The following HDAC9 variants were observed in gnomAD, a reference collection of about 807,000 sequenced individuals.
HDAC9 encodes the protein MEF-2 interacting transcription repressor (MITR) protein.
HDAC9 carries 41 observed loss-of-function variants against 139.4 expected under a neutral mutation model. That is an observed-to-expected ratio of 0.29 (90% confidence interval 0.23 to 0.38). The LOEUF is 0.38. Ranked by LOEUF, HDAC9 falls within the 10% of genes least tolerant of loss-of-function variation. The pLI, the probability that HDAC9 is intolerant of heterozygous loss-of-function variation, is 1.00. For missense variants in HDAC9, 1,147 were observed against 1,297.0 expected, an observed-to-expected ratio of 0.88 and a Z score of 1.78; for synonymous variants, 517 against 476.2, an observed-to-expected ratio of 1.09 and a Z score of -1.12.
intron 2 of HDAC9, among the ~76,000 whole-genome samples, chr7:18,197,537 G>T (rs938943584): frequency 6.6e-6 from 1 of 152,160 alleles, no homozygotes; most frequent in Admixed American, 6.5e-5. Flanking sequence ...TAGGGCAAAA[G>T]AAGTTACGTG....
At chr7:18,608,833 TA>T (rs1836270992) in intron 6 of HDAC9, among the ~76,000 whole-genome samples, 5 of 152,168 alleles carry the variant, frequency 3.3e-5, no homozygotes, top group African/African-American at 1.2e-4. Flanking sequence ...GAGGCACATG[TA>T]ATAGGTTCCT....
chr7:18,299,484 A>G (rs1798393916), intron 1 of HDAC9, among the ~76,000 whole-genome samples: 1 of 152,144 alleles, frequency 6.6e-6, no homozygotes, highest in Non-Finnish European at 1.5e-5. Context: ...TGGCGAGGGT[A>G]CTTTTCCAGC....
At chr7:18,567,376 C>T (rs961662764) in intron 2 of HDAC9, among the ~76,000 whole-genome samples, 2 of 152,156 alleles carry the variant, frequency 1.3e-5, no homozygotes, top group Non-Finnish European at 2.9e-5. Context: ...TTGTTGTTCT[C>T]TCATTTCTTT....
chr7:18,785,354 A>G (rs1791621679), intron 16 of HDAC9, among the ~76,000 whole-genome samples: 1 of 151,964 alleles, frequency 6.6e-6, no homozygotes, highest in African/African-American at 2.4e-5. Flanking sequence ...GCATCGTAGG[A>G]TGCGTAGTGG....
intron 1 of HDAC9, among the ~76,000 whole-genome samples, chr7:18,345,232 A>C (rs966070149): frequency 1.3e-5 from 2 of 152,006 alleles, no homozygotes; most frequent in Non-Finnish European, 2.9e-5. Context: ...TCTTCTAGAT[A>C]ATGCTGTGTC....
At chr7:18,239,867 A>G (rs937837421) in intron 2 of HDAC9, among the ~76,000 whole-genome samples, 1 of 152,130 alleles carries the variant, frequency 6.6e-6, no homozygotes, top group African/African-American at 2.4e-5. Context: ...ATAATACTTA[A>G]AGGAATATTG....
intron 1 of HDAC9, among the ~76,000 whole-genome samples, chr7:18,356,360 T>TTTTTTG (rs1260043555): frequency 2.4e-5 from 3 of 124,862 alleles, no homozygotes; most frequent in Non-Finnish European, 1.7e-5. Context: ...GCACATAGGT[T>TTTTTTG]TTTTTTTTTT....
intron 24 of HDAC9, among the ~76,000 whole-genome samples, chr7:18,962,079 G>A (rs192140274): frequency 5.3e-4 from 81 of 152,272 alleles, no homozygotes; most frequent in African/African-American, 1.8e-3. Context: ...GGAGCTGTGC[G>A]TCCACTTTTG....
At chr7:18,846,047 T>G (rs1796883085) in intron 21 of HDAC9, among the ~76,000 whole-genome samples, 2 of 152,204 alleles carry the variant, frequency 1.3e-5, no homozygotes, top group South Asian at 4.1e-4. Flanking sequence ...ATCTCAGAAC[T>G]ACAAAGTTCT....
At chr7:18,797,500 T>C (rs1419092587) in intron 17 of HDAC9, among the ~76,000 whole-genome samples, 1 of 152,182 alleles carries the variant, frequency 6.6e-6, no homozygotes, top group African/African-American at 2.4e-5. Flanking sequence ...CATTCCTATA[T>C]TTTAAAACCA....
intron 2 of HDAC9, among the ~76,000 whole-genome samples, chr7:18,178,792 G>C (rs1449900117): frequency 1.3e-5 from 2 of 152,108 alleles, no homozygotes; most frequent in Admixed American, 6.5e-5. Flanking sequence ...AATATACTAC[G>C]TTTCTGAGGA....
chr7:18,250,159 C>T (rs1253203234), intron 2 of HDAC9, among the ~76,000 whole-genome samples: 2 of 152,112 alleles, frequency 1.3e-5, no homozygotes, highest in Non-Finnish European at 2.9e-5. Flanking sequence ...TTTTATTTCT[C>T]TGCATTGTCA....
At chr7:18,733,229 A>G (rs371727986) in intron 13 of HDAC9, among the ~76,000 whole-genome samples, 16 of 149,162 alleles carry the variant, frequency 1.1e-4, no homozygotes, top group East Asian at 8.0e-4. Context: ...GTATATACAC[A>G]TATATACATG....
Position 18,690,969 on chromosome 7 carries a change from C to CA in HDAC9, c.1731+24501dup, listed in dbSNP as rs574664962. On this transcript the variant is annotated intron_variant, in intron 12 of 25. Coordinates refer to ENST00000686413, the MANE Select transcript of HDAC9 (RefSeq NM_178425.4). ...TTCCACTAAGGGATTGTAGGGAAAA[C>CA]AAAAAAAACTAATATTATCAGATGT... 7.9e-5 allele frequency among the ~76,000 whole-genome samples: 12 copies of CA among 151,180 alleles called. 1 individual carries two copies. The highest frequency in any genetic ancestry group is 4.0e-4 in the Admixed American group (6 of 15,138).
chr7:18,270,804 A>G (rs945667820), intron 2 of HDAC9, among the ~76,000 whole-genome samples: 2 of 152,180 alleles, frequency 1.3e-5, no homozygotes, highest in African/African-American at 2.4e-5. Context: ...GCTAAATAAA[A>G]CCAATAGAAA....
chr7:18,296,644 T>C (rs1301993929), intron 1 of HDAC9, among the ~76,000 whole-genome samples: 2 of 152,174 alleles, frequency 1.3e-5, no homozygotes, highest in Non-Finnish European at 2.9e-5. Context: ...GTTTTTAAAA[T>C]GTCTATGCCT....
chr7:18,214,690 G>A (rs983058633), intron 2 of HDAC9, among the ~76,000 whole-genome samples: 1 of 151,968 alleles, frequency 6.6e-6, no homozygotes, highest in Non-Finnish European at 1.5e-5. Flanking sequence ...TATATATAAT[G>A]TGTATAACAT....
chr7:18,750,892 T>A, intron 14 of HDAC9, among the ~76,000 whole-genome samples: 1 of 152,304 alleles, frequency 6.6e-6, no homozygotes, highest in Non-Finnish European at 1.5e-5. Context: ...TTTTTCACAT[T>A]CACGTTTGTG....
chr7:18,633,293 C>A (rs1782895252), intron 7 of HDAC9, among the ~76,000 whole-genome samples: 1 of 151,986 alleles, frequency 6.6e-6, no homozygotes, highest in African/African-American at 2.4e-5. Context: ...AGTGTGGTGG[C>A]ATTTGAGAGA....
Sources: gnomAD v4.1 joint callset for allele counts (sites outside exome capture counted in the v4.1 genomes callset) on GRCh38, gnomAD v4.1.1 for gene constraint, MANE v1.5 for transcripts, NCBI Gene and HGNC (gene_info 2026-07-23, HGNC 2026-07-21) for gene names.